SLC60A1: variants seen among roughly 807,000 people sequenced by gnomAD.
SLC60A1 encodes the protein solute carrier family 60 member 1.
the SLC60A1 span, among the ~76,000 whole-genome samples, chr1:205,575,098 C>T: frequency 1.3e-5 from 2 of 152,204 alleles, no homozygotes; most frequent in African/African-American, 2.4e-5. Context: ...GAGATAGAGT[C>T]ACCAGCCTGC....
chr1:205,580,961 ACAGTCCACACATCC>A, the SLC60A1 span: 2 of 1,597,210 alleles, frequency 1.3e-6, no homozygotes, highest in South Asian at 1.1e-5. The surrounding 1 kb of genome is among the most constrained non-coding windows in gnomAD (Gnocchi z 5.0). Flanking sequence ...GAGCTAGTGG[ACAGTCCACACATCC>A]CAGTCCACCC....
the SLC60A1 span, chr1:205,584,105 A>G: frequency 1.2e-6 from 2 of 1,613,574 alleles, no homozygotes; most frequent in African/African-American, 1.3e-5. Flanking sequence ...ACTGCCCCCA[A>G]AGTTTCAGTC....
chr1:205,590,355 C>T, the SLC60A1 span, among the ~76,000 whole-genome samples: 1 of 152,310 alleles, frequency 6.6e-6, no homozygotes, highest in East Asian at 1.9e-4. Context: ...ACCTTTGGAA[C>T]CATAGTTATG....
chr1:205,589,961 G>A, the SLC60A1 span, among the ~76,000 whole-genome samples: 1 of 152,206 alleles, frequency 6.6e-6, no homozygotes, highest in Non-Finnish European at 1.5e-5. Flanking sequence ...GGTGTGGGAG[G>A]TAAGGAAAGG....
At chr1:205,587,943 G>A in the SLC60A1 span, among the ~76,000 whole-genome samples, 1 of 152,298 alleles carries the variant, frequency 6.6e-6, no homozygotes, top group Non-Finnish European at 1.5e-5. Context: ...ATCCACATAT[G>A]TTAGGCATTG....
the SLC60A1 span, among the ~76,000 whole-genome samples, chr1:205,594,647 CAA>C: frequency 0.41 from 54,276 of 132,706 alleles, 9,999 homozygotes; most frequent in Middle Eastern, 0.46. Flanking sequence ...GACTCTGTCT[CAA>C]AAAAAAAAAA....
the SLC60A1 span, chr1:205,580,870 C>G: frequency 6.2e-7 from 1 of 1,614,120 alleles, no homozygotes; most frequent in Non-Finnish European, 8.5e-7. This position sits in a 1 kb window ranked among gnomAD's most constrained non-coding sequence, Gnocchi z 5.0. Context: ...CTCCAAAGGA[C>G]GGGGCAGGGA....
the SLC60A1 span, among the ~76,000 whole-genome samples, chr1:205,596,125 G>A: frequency 4.7e-4 from 71 of 152,250 alleles, 4 homozygotes; most frequent in East Asian, 0.014. Context: ...AGACAATGAT[G>A]ACAACCATTT....
At chr1:205,586,334 G>C in the SLC60A1 span, 1 of 1,165,270 alleles carries the variant, frequency 8.6e-7, no homozygotes, top group Non-Finnish European at 1.2e-6. Context: ...AGGAGTAGAG[G>C]GAAGAGAGGA....
the SLC60A1 span, chr1:205,579,793 C>T: frequency 1.9e-6 from 3 of 1,614,058 alleles, no homozygotes; most frequent in Admixed American, 3.3e-5. Context: ...CCTCTCTGGC[C>T]ATCTCCCTGG....
At chr1:205,586,004 T>C in the SLC60A1 span, 2 of 1,548,804 alleles carry the variant, frequency 1.3e-6, no homozygotes, top group South Asian at 1.2e-5. Context: ...GGGCTGCAGG[T>C]GTGCTCAACA....
chr1:205,592,778 C>CGTCTGCTGACCT, the SLC60A1 span, among the ~76,000 whole-genome samples: 2 of 147,544 alleles, frequency 1.4e-5, no homozygotes, highest in South Asian at 4.7e-4. Flanking sequence ...TTTTTCCATC[C>CGTCTGCTGACCT]GCTTTGTCCC....
chr1:205,589,171 C>A, the SLC60A1 span, among the ~76,000 whole-genome samples: 3 of 152,286 alleles, frequency 2.0e-5, no homozygotes, highest in South Asian at 6.2e-4. Flanking sequence ...GCAGGAGTGG[C>A]GGCTTCCAAA....
chr1:205,570,852 A>C, the SLC60A1 span, among the ~76,000 whole-genome samples: 3 of 152,242 alleles, frequency 2.0e-5, no homozygotes, highest in Non-Finnish European at 4.4e-5. Context: ...ACTTTTAAAG[A>C]AAATATGTAG....
chr1:205,586,216 C>G, the SLC60A1 span: 1 of 1,612,816 alleles, frequency 6.2e-7, no homozygotes. Context: ...TGGTAAGCAG[C>G]TGAATAGCCT....
chr1:205,593,968 A>G, the SLC60A1 span, among the ~76,000 whole-genome samples: 1,285 of 152,194 alleles, frequency 8.4e-3, 23 homozygotes, highest in African/African-American at 0.029. Flanking sequence ...TCTGAGAAAC[A>G]CCCCCAAATC....
At chr1:205,580,710 C>T in the SLC60A1 span, 40 of 1,613,582 alleles carry the variant, frequency 2.5e-5, no homozygotes, top group Non-Finnish European at 3.4e-5. This position sits in a 1 kb window ranked among gnomAD's most constrained non-coding sequence, Gnocchi z 5.0. Context: ...CCCCTTATTG[C>T]TGACCCTTTC....
the SLC60A1 span, among the ~76,000 whole-genome samples, chr1:205,571,895 G>C: frequency 1.3e-5 from 2 of 152,218 alleles, no homozygotes; most frequent in South Asian, 2.1e-4. Flanking sequence ...AGAGCCAGCT[G>C]TTGCGGGGGA....
the SLC60A1 span, chr1:205,580,642 A>T: frequency 2.4e-6 from 2 of 838,798 alleles, no homozygotes; most frequent in South Asian, 1.9e-5. This position sits in a 1 kb window ranked among gnomAD's most constrained non-coding sequence, Gnocchi z 5.0. Flanking sequence ...CCCACCCGCC[A>T]CCTCTCCTCT....
Sources: allele counts gnomAD v4.1 joint callset (sites outside exome capture counted in the v4.1 genomes callset), GRCh38; gene constraint gnomAD v4.1.1; non-coding constraint Gnocchi (gnomAD v3.1); transcripts MANE v1.5; gene names NCBI Gene and HGNC (gene_info 2026-07-23, HGNC 2026-07-21).